UNC13C: variants seen among roughly 807,000 people sequenced by gnomAD.
UNC13C encodes the protein unc-13 homolog C, also known as protein unc-13 homolog C.
Under a neutral mutation model 245.4 loss-of-function variants are expected in UNC13C, and 174 were observed. That is an observed-to-expected ratio of 0.71 (90% CI 0.63 to 0.80). UNC13C has a LOEUF of 0.80. Ranked by LOEUF, UNC13C falls within the 30% of genes least tolerant of loss-of-function variation. The pLI is 0.00. For missense variants in UNC13C, 2,829 were observed against 2,602.9 expected, an observed-to-expected ratio of 1.09 and a Z score of -1.89; for synonymous variants, 992 against 895.1, an observed-to-expected ratio of 1.11 and a Z score of -1.93.
intron 2 of UNC13C, among the ~76,000 whole-genome samples, chr15:54,106,388 C>T (rs1900446202): frequency 6.6e-6 from 1 of 152,040 alleles, no homozygotes; most frequent in Non-Finnish European, 1.5e-5. Context: ...CTCCAATGAC[C>T]ACTTAAAACT....
chr15:54,582,339 C>A (rs1041453164), intron 30 of UNC13C, among the ~76,000 whole-genome samples: 3 of 152,094 alleles, frequency 2.0e-5, no homozygotes, highest in Non-Finnish European at 4.4e-5. Flanking sequence ...ATTTGAGGCA[C>A]AAATTCAGTT....
chr15:54,377,987 T>G (rs1310451518), intron 17 of UNC13C, among the ~76,000 whole-genome samples: 1 of 152,156 alleles, frequency 6.6e-6, no homozygotes, highest in East Asian at 1.9e-4. Context: ...TGTAGTCAAT[T>G]TTTAGATACA....
Position 54,172,709 on chromosome 15 carries a change from TATATATATA to T in UNC13C, c.3071+29026_3071+29034del, listed in dbSNP as rs1225052357. ...AAAGTCAAATACACACACAGATATA[TATATATATA>T]TATATATATATATATATATATATAT... is the stretch of plus-strand genomic sequence containing the variant. On this transcript the variant is annotated intron_variant, in intron 4 of 32. Coordinates refer to ENST00000260323, the MANE Select transcript of UNC13C (RefSeq NM_001080534.3). 2.8e-3 allele frequency among the ~76,000 whole-genome samples: 151 copies of T among 54,246 alleles called. 4 individuals carry two copies. The highest frequency in any genetic ancestry group is 0.024 in the African/African-American group (146 of 6,052). The allele number at this position is 54,246 out of a possible 152,430, so 35.6% of individuals were successfully genotyped here.
At chr15:54,625,623 A>G (rs1375184567) in intron 32 of UNC13C, among the ~76,000 whole-genome samples, 1 of 152,146 alleles carries the variant, frequency 6.6e-6, no homozygotes, top group Non-Finnish European at 1.5e-5. Context: ...TTTACACGCC[A>G]ATACACTCTC....
intron 2 of UNC13C, among the ~76,000 whole-genome samples, chr15:54,123,774 T>C (rs2030843439): frequency 6.6e-6 from 1 of 152,140 alleles, no homozygotes; most frequent in African/African-American, 2.4e-5. Flanking sequence ...ATAAGCACCA[T>C]TGCAATCAAA....
intron 1 of UNC13C, among the ~76,000 whole-genome samples, chr15:54,007,911 C>G (rs1219065309): frequency 6.6e-6 from 1 of 152,208 alleles, no homozygotes; most frequent in Non-Finnish European, 1.5e-5. Context: ...ATAAGAGGTC[C>G]TGTCCCTTTG....
In UNC13C at chr15:53,980,855, A is replaced by G. The variant is rs1403801920; in HGVS notation, c.-257+1928A>G. On this transcript the variant is annotated intron_variant, in intron 1 of 32. Transcript: ENST00000260323. ...TAAACTGTTTTCCTTTCCAGGCCAT[A>G]TAATAACTTGCTATGGTTGCTAATC... 1.2e-3 allele frequency among the ~76,000 whole-genome samples: 179 copies of G among 152,322 alleles called. 2 individuals carry two copies. The highest frequency in any genetic ancestry group is 2.1e-4 in the South Asian group (1 of 4,828).
At chr15:54,079,218 G>C (rs1339224395) in intron 2 of UNC13C, among the ~76,000 whole-genome samples, 3 of 152,032 alleles carry the variant, frequency 2.0e-5, no homozygotes, top group African/African-American at 4.8e-5. Context: ...CCATAGCTTT[G>C]TAGTATAGTT....
intron 5 of UNC13C, 140 bp downstream of exon 5, chr15:54,235,248 T>A (rs2140828212): frequency 1.7e-6 from 1 of 578,586 alleles, no homozygotes; most frequent in East Asian, 3.0e-5. Flanking sequence ...CTACCTGCTG[T>A]TATATTTATT....
At chr15:53,888,847 A>G in the UNC13C span, among the ~76,000 whole-genome samples, 16 of 152,250 alleles carry the variant, frequency 1.1e-4, no homozygotes, top group East Asian at 3.1e-3. Flanking sequence ...TTTGTCAAAG[A>G]TCAGATGGTT....
intron 30 of UNC13C, among the ~76,000 whole-genome samples, chr15:54,582,008 T>A (rs16974861): frequency 0.33 from 50,524 of 151,262 alleles, 8,934 homozygotes; most frequent in East Asian, 0.55. Flanking sequence ...TTTTGCCATC[T>A]GTTTGTGGGA....
chr15:54,088,350 T>C (rs1899367281), intron 2 of UNC13C, among the ~76,000 whole-genome samples: 1 of 152,072 alleles, frequency 6.6e-6, no homozygotes, highest in South Asian at 2.1e-4. Context: ...CAAGTCAGTC[T>C]TGGCCTCTTA....
the UNC13C span, among the ~76,000 whole-genome samples, chr15:53,894,818 G>C: frequency 1.3e-5 from 2 of 151,644 alleles, no homozygotes; most frequent in Non-Finnish European, 2.9e-5. Flanking sequence ...GCAAACTTTT[G>C]ATATTTACAA....
intron 2 of UNC13C, among the ~76,000 whole-genome samples, chr15:54,054,291 A>T (rs1897402167): frequency 6.6e-6 from 1 of 152,092 alleles, no homozygotes; most frequent in South Asian, 2.1e-4. Context: ...ATGGTTCTGT[A>T]TTAGTATCCA....
intron 30 of UNC13C, among the ~76,000 whole-genome samples, chr15:54,613,919 T>C (rs1458007323): frequency 6.6e-6 from 1 of 151,998 alleles, no homozygotes; most frequent in African/African-American, 2.4e-5. Flanking sequence ...TGGGAGAAAC[T>C]ATTATACATT....
At chr15:54,231,059 T>C (rs778611943) in intron 4 of UNC13C, among the ~76,000 whole-genome samples, 1 of 152,052 alleles carries the variant, frequency 6.6e-6, no homozygotes, top group Non-Finnish European at 1.5e-5. Flanking sequence ...TAAGTCTTTA[T>C]TCCTAAGAAG....
intron 16 of UNC13C, among the ~76,000 whole-genome samples, chr15:54,337,344 T>G (rs2141003315): frequency 6.6e-6 from 1 of 152,314 alleles, no homozygotes; most frequent in East Asian, 1.9e-4. Context: ...AACCAGAACT[T>G]TTCCACAACT....
intron 2 of UNC13C, among the ~76,000 whole-genome samples, chr15:54,038,124 A>ATATTTTTTTTTTTTTTTTTTTTTT: frequency 4.4e-5 from 2 of 45,040 alleles, no homozygotes; most frequent in Admixed American, 5.0e-4. Flanking sequence ...ATATATATAT[A>ATATTTTTTTTTTTTTTTTTTTTTT]TTTTTTTTTT....
chr15:54,478,651 T>C (rs1393706698), intron 19 of UNC13C, among the ~76,000 whole-genome samples: 2 of 151,716 alleles, frequency 1.3e-5, no homozygotes, highest in African/African-American at 4.8e-5. Flanking sequence ...TGAGTTCTAG[T>C]TTGATTGCAC....
Sources: gnomAD v4.1 joint callset for allele counts (sites outside exome capture counted in the v4.1 genomes callset) on GRCh38, gnomAD v4.1.1 for gene constraint, MANE v1.5 for transcripts, NCBI Gene and HGNC (gene_info 2026-07-23, HGNC 2026-07-21) for gene names.